Variants in TNRC6B observed in about 807,000 individuals in gnomAD.
The protein encoded by TNRC6B is trinucleotide repeat containing adaptor 6B.
A neutral mutation model predicts 203.6 loss-of-function variants in TNRC6B; 52 were observed. The ratio of observed to expected loss-of-function variants is 0.26; its 90% confidence interval spans 0.20 to 0.32. TNRC6B has a LOEUF of 0.32. TNRC6B is among the 10% of genes least tolerant of loss of function. The pLI is 1.00. For synonymous variants in TNRC6B, 838 were observed against 845.7 expected (o/e 0.99, Z 0.16); for missense variants, 1,923 against 2,286.2 (o/e 0.84, Z 3.24).
intron 1 of TNRC6B, among the ~76,000 whole-genome samples, chr22:40,244,130 A>G (rs2070071107): frequency 6.6e-6 from 1 of 152,194 alleles, no homozygotes; most frequent in South Asian, 2.1e-4. Context: ...AAAAGGCTTT[A>G]AGAGCCAAAT....
chr22:40,223,074 C>A (rs138032), intron 1 of TNRC6B, among the ~76,000 whole-genome samples: 48,679 of 151,554 alleles, frequency 0.32, 9,561 homozygotes, highest in East Asian at 0.57. Flanking sequence ...AATTGAATGC[C>A]TCTAGTTTAA....
At chr22:40,178,746 A>C (rs891259313) in intron 1 of TNRC6B, among the ~76,000 whole-genome samples, 3 of 152,118 alleles carry the variant, frequency 2.0e-5, no homozygotes, top group Non-Finnish European at 4.4e-5. Flanking sequence ...CCTCCCAAGC[A>C]ATATGTGGCT....
chr22:40,273,313 T>C, intron 6 of TNRC6B, 112 bp from the exon 7 acceptor site: 2 of 978,596 alleles, frequency 2.0e-6, no homozygotes, highest in Non-Finnish European at 2.9e-6. Context: ...GCCATGGAGA[T>C]GGAGTAGATA....
rs1263879588 is a variant in TNRC6B, at chr22:40,132,967, A to ATATAT, written c.45+7105_45+7106insTATAT. On this transcript the variant is annotated intron_variant, in intron 3 of 23. Transcript: ENST00000301923. ...TCAAAAAAAAAAAAAAAAAAAAAAA[A>ATATAT]AAATATATATATATATATATATATT... Among the ~76,000 whole-genome samples, 89 of 66,416 alleles carry ATATAT rather than the reference A, an allele frequency of 1.3e-3. 1 individual carries two copies. Among genetic ancestry groups the ATATAT allele is most frequent in the African/African-American group, 3.9e-3 (74 of 19,086 alleles). The allele number at this position is 66,416 out of a possible 152,430, so 43.6% of individuals were successfully genotyped here. A position where few individuals can be genotyped will look rare whatever the true frequency, so the allele number is the denominator to read the frequency against.
At chr22:40,211,490 G>A (rs1345864750) in intron 1 of TNRC6B, among the ~76,000 whole-genome samples, 3 of 152,068 alleles carry the variant, frequency 2.0e-5, no homozygotes, top group Non-Finnish European at 4.4e-5. Context: ...TAGCTGATAC[G>A]TGGTGCTTTA....
intron 1 of TNRC6B, among the ~76,000 whole-genome samples, chr22:40,081,072 G>A (rs943166049): frequency 1.3e-5 from 2 of 151,816 alleles, no homozygotes; most frequent in African/African-American, 2.4e-5. Context: ...TGTTGGCCTG[G>A]CTGGTCTTAA....
intron 1 of TNRC6B, among the ~76,000 whole-genome samples, chr22:40,101,878 G>A (rs761227307): frequency 5.3e-5 from 8 of 152,086 alleles, no homozygotes; most frequent in Non-Finnish European, 8.8e-5. Flanking sequence ...CGCTTCTCTG[G>A]TTTTGTCTAA....
At chr22:40,316,442 G>T (rs1348001422) in intron 21 of TNRC6B, among the ~76,000 whole-genome samples, 3 of 152,114 alleles carry the variant, frequency 2.0e-5, no homozygotes, top group Non-Finnish European at 4.4e-5. Context: ...AAGGCGAGAG[G>T]ATTGCTTGAA....
chr22:40,289,341 G>A (rs914114794), intron 12 of TNRC6B, among the ~76,000 whole-genome samples: 11 of 152,114 alleles, frequency 7.2e-5, no homozygotes, highest in African/African-American at 2.7e-4. Flanking sequence ...GTAATATAGA[G>A]GACATGTTTG....
At chr22:40,089,005 A>G (rs1007002170) in intron 1 of TNRC6B, among the ~76,000 whole-genome samples, 1 of 152,144 alleles carries the variant, frequency 6.6e-6, no homozygotes, top group East Asian at 1.9e-4. Context: ...AGCAACAACA[A>G]CAAAGTCCTT....
chr22:40,236,178 G>A (rs1291241548), intron 1 of TNRC6B, among the ~76,000 whole-genome samples: 2 of 152,194 alleles, frequency 1.3e-5, no homozygotes. Context: ...TTTATCACAT[G>A]TGGGTTCATG....
chr22:40,272,902 A>C (rs1490863801), intron 6 of TNRC6B, among the ~76,000 whole-genome samples: 1 of 152,222 alleles, frequency 6.6e-6, no homozygotes, highest in Non-Finnish European at 1.5e-5. Context: ...TAATTCTAAT[A>C]TTCAAAAATG....
chr22:40,159,991 T>A (rs2146356857), intron 4 of TNRC6B, among the ~76,000 whole-genome samples: 1 of 152,204 alleles, frequency 6.6e-6, no homozygotes, highest in Non-Finnish European at 1.5e-5. Context: ...AAAAAAAATT[T>A]TTTTTGTAGA....
chr22:40,239,175 C>T (rs1326002646), intron 1 of TNRC6B, among the ~76,000 whole-genome samples: 1 of 151,144 alleles, frequency 6.6e-6, no homozygotes, highest in Non-Finnish European at 1.5e-5. Context: ...GGCACTGCAG[C>T]GTGGGTGACA....
At chr22:40,259,010 T>G (rs2070330351) in intron 3 of TNRC6B, among the ~76,000 whole-genome samples, 1 of 152,188 alleles carries the variant, frequency 6.6e-6, no homozygotes, top group South Asian at 2.1e-4. Context: ...ACATAGCTCT[T>G]TCTGTCCTAA....
chr22:40,189,498 CAAAAA>C (rs56029573), intron 1 of TNRC6B, among the ~76,000 whole-genome samples: 3 of 112,272 alleles, frequency 2.7e-5, no homozygotes, highest in Non-Finnish European at 4.0e-5. Flanking sequence ...TTTGTCTGCC[CAAAAA>C]AAAAAAAAAA....
chr22:40,312,151 G>A (rs373676389), intron 17 of TNRC6B, among the ~76,000 whole-genome samples: 2 of 152,144 alleles, frequency 1.3e-5, no homozygotes, highest in South Asian at 2.1e-4. Context: ...TATTTTCACC[G>A]GTTCTTGGCC....
intron 2 of TNRC6B, chr22:40,125,730 C>A (rs1290921753): frequency 4.0e-6 from 6 of 1,488,504 alleles, no homozygotes; most frequent in South Asian, 1.3e-5. Flanking sequence ...AATTTTTTTG[C>A]CCTGAATTCC....
At chr22:40,301,578 C>CTTT in intron 15 of TNRC6B, 1 of 485,948 alleles carries the variant, frequency 2.1e-6, no homozygotes, top group African/African-American at 2.0e-5. Context: ...AGCAGTCTTC[C>CTTT]TTTTTTTTGT....
Sources: allele counts gnomAD v4.1 joint callset (sites outside exome capture counted in the v4.1 genomes callset), GRCh38; gene constraint gnomAD v4.1.1; transcripts MANE v1.5; gene names NCBI Gene and HGNC (gene_info 2026-07-23, HGNC 2026-07-21).